Variants in PPP1R42 observed in about 807,000 individuals in gnomAD.
PPP1R42 encodes leucine rich repeat containing 67.
In PPP1R42, 34 loss-of-function variants were observed where a neutral mutation model predicts 31.0. The observed-to-expected ratio is 1.10, with a 90% CI of 0.83 to 1.46. The LOEUF is 1.46. PPP1R42 is among the 40% of genes most tolerant of loss of function. The probability of loss-of-function intolerance (pLI) is 0.00; values close to 1 mark genes in which losing one functional copy is unlikely to be tolerated. For synonymous variants in PPP1R42, 103 were observed against 109.8 expected (o/e 0.94, Z 0.39); for missense variants, 268 against 303.0 (o/e 0.88, Z 0.86).
At chr8:67,027,646 G>T (rs1391980512) in intron 1 of PPP1R42, among the ~76,000 whole-genome samples, 1 of 152,150 alleles carries the variant, frequency 6.6e-6, no homozygotes, top group East Asian at 1.9e-4. Context: ...TATTGTTTTA[G>T]AAAATTAAAA....
rs1815093079 is a variant in PPP1R42, at chr8:66,988,462, C to G, written c.608G>C (p.Gly203Ala). Residue 203 changes from glycine (G) to alanine (A), a missense_variant, in exon 6 of 8, where the codon GGA becomes GCA. By Grantham distance (60) the Gly-to-Ala change is moderately conservative. Transcript: ENST00000685739. ...TTTTGGTTTGAGACAAACAGGATTT[C>G]CATTTAGATCAATTTTCCACAGCTT... ...LMKLWKIDLN[G>A]NPVCLKPKYR... is the part of the protein sequence containing the mutation. The G allele has an allele frequency of 1.2e-6, 2 of 1,610,906 alleles. No homozygotes were observed. Among genetic ancestry groups the G allele is most frequent in the Non-Finnish European group, 8.5e-7 (1 of 1,178,430 alleles).
chr8:67,009,649 G>C (rs188261709), intron 5 of PPP1R42, among the ~76,000 whole-genome samples: 1 of 152,244 alleles, frequency 6.6e-6, no homozygotes, highest in East Asian at 1.9e-4. Flanking sequence ...ATTGTAAGTT[G>C]AAACAACTAA....
chr8:67,013,750 T>C (rs769683179), intron 3 of PPP1R42, among the ~76,000 whole-genome samples: 2 of 152,052 alleles, frequency 1.3e-5, no homozygotes, highest in Non-Finnish European at 2.9e-5. Flanking sequence ...AAAATGAAGA[T>C]ATCTGGGCCT....
chr8:67,013,469 C>G (rs568863398), intron 3 of PPP1R42, among the ~76,000 whole-genome samples: 458 of 151,912 alleles, frequency 3.0e-3, no homozygotes, highest in Middle Eastern at 0.017. Context: ...GTAATCCCAG[C>G]ACTTTGGGAG....
At chr8:66,978,743 G>T (rs905625214) in intron 7 of PPP1R42, among the ~76,000 whole-genome samples, 1 of 152,040 alleles carries the variant, frequency 6.6e-6, no homozygotes, top group Non-Finnish European at 1.5e-5. Context: ...TTGTCTTTTT[G>T]TTAATAGCCA....
chr8:66,964,922 A>G (rs188268585), intron 7 of PPP1R42, among the ~76,000 whole-genome samples: 1 of 152,254 alleles, frequency 6.6e-6, no homozygotes, highest in Admixed American at 6.5e-5. Context: ...TCTTGTGCTG[A>G]CCCTTTGCAG....
At chr8:66,987,412 C>T in intron 6 of PPP1R42, among the ~76,000 whole-genome samples, 1 of 151,512 alleles carries the variant, frequency 6.6e-6, no homozygotes, top group Non-Finnish European at 1.5e-5. Flanking sequence ...CTATCTCAGC[C>T]TCCCGAGTAG....
In PPP1R42 at chr8:67,012,950, G is replaced by A; in HGVS notation, c.435+8C>T. On this transcript the variant is annotated splice_region_variant and intron_variant, in intron 4 of 7. Transcript: ENST00000685739. ...ATTCCTTGTCAAAATATTCAAATGTGAACTTACTGCCAGAGAATGAAGAGT... is the reference window on the plus strand; with the variant it reads ...ATTCCTTGTCAAAATATTCAAATGTAAACTTACTGCCAGAGAATGAAGAGT... 4 of 1,591,218 alleles carry A rather than the reference G, an allele frequency of 2.5e-6. No individual in the cohort carries two copies. The highest frequency in any genetic ancestry group is 3.4e-6 in the Non-Finnish European group (4 of 1,173,320).
chr8:66,971,203 G>C, intron 7 of PPP1R42: 14 of 1,200,278 alleles, frequency 1.2e-5, no homozygotes, highest in Non-Finnish European at 1.5e-5. Flanking sequence ...TTTTAAAAAG[G>C]GTATAACAAT....
intron 7 of PPP1R42, among the ~76,000 whole-genome samples, chr8:66,975,236 C>T (rs1433973632): frequency 6.6e-6 from 1 of 152,202 alleles, no homozygotes; most frequent in Non-Finnish European, 1.5e-5. Context: ...ATATGTCTTT[C>T]ACCTCCTTAA....
At chr8:67,025,338 CTGG>C (rs1388393063) in intron 1 of PPP1R42, among the ~76,000 whole-genome samples, 3 of 151,944 alleles carry the variant, frequency 2.0e-5, no homozygotes, top group African/African-American at 7.3e-5. Flanking sequence ...TCTCAAACTC[CTGG>C]GCTCAAGTGA....
At chr8:66,977,353 TA>T (rs1358815648) in intron 7 of PPP1R42, among the ~76,000 whole-genome samples, 1 of 150,366 alleles carries the variant, frequency 6.7e-6, no homozygotes, top group African/African-American at 2.4e-5. Context: ...TTTTTTTTTT[TA>T]AGAGACAGGG....
intron 1 of PPP1R42, among the ~76,000 whole-genome samples, chr8:67,020,023 C>G (rs559658929): frequency 6.6e-6 from 1 of 152,220 alleles, no homozygotes; most frequent in Non-Finnish European, 1.5e-5. Context: ...CCATAGAGAC[C>G]ATATGTCTGA....
intron 5 of PPP1R42, among the ~76,000 whole-genome samples, chr8:67,002,579 C>T (rs1418386345): frequency 6.6e-6 from 1 of 152,012 alleles, no homozygotes; most frequent in Non-Finnish European, 1.5e-5. Context: ...GGGATTTTCC[C>T]GTTTGGGTTT....
At chr8:67,002,204 A>G (rs532398797) in intron 5 of PPP1R42, among the ~76,000 whole-genome samples, 24 of 152,220 alleles carry the variant, frequency 1.6e-4, no homozygotes, top group Admixed American at 1.5e-3. Context: ...TAAGATGTCT[A>G]TATATATTTT....
chr8:66,977,250 G>A (rs1814703304), intron 7 of PPP1R42, among the ~76,000 whole-genome samples: 1 of 151,356 alleles, frequency 6.6e-6, no homozygotes, highest in Non-Finnish European at 1.5e-5. Flanking sequence ...TGGCTAGGCT[G>A]GTCTTGAACT....
intron 3 of PPP1R42, among the ~76,000 whole-genome samples, chr8:67,014,021 T>C (rs1474141925): frequency 2.0e-5 from 3 of 152,208 alleles, no homozygotes; most frequent in Non-Finnish European, 4.4e-5. Flanking sequence ...TGGTATGAGA[T>C]ATATGATTCT....
chr8:67,000,567 C>T (rs542193924), intron 5 of PPP1R42, among the ~76,000 whole-genome samples: 18 of 152,170 alleles, frequency 1.2e-4, no homozygotes, highest in African/African-American at 4.3e-4. Context: ...AAACGATCCT[C>T]CCAACTCAGC....
intron 5 of PPP1R42, among the ~76,000 whole-genome samples, chr8:67,003,400 T>A (rs993448364): frequency 6.8e-6 from 1 of 148,050 alleles, no homozygotes; most frequent in Non-Finnish European, 1.5e-5. Context: ...TTTTTTTTTT[T>A]TTTTTTTTTT....
Sources: allele counts gnomAD v4.1 joint callset (sites outside exome capture counted in the v4.1 genomes callset), GRCh38; gene constraint gnomAD v4.1.1; transcripts MANE v1.5; gene names NCBI Gene and HGNC (gene_info 2026-07-23, HGNC 2026-07-21).